Variants in MXRA8 observed in about 807,000 individuals in gnomAD.
The protein encoded by MXRA8 is matrix remodeling associated 8.
MXRA8 carries 44 observed loss-of-function variants against 51.4 expected under a neutral mutation model. The observed-to-expected ratio is 0.86, with a 90% CI of 0.67 to 1.10. MXRA8 has a LOEUF of 1.10. Among genes scored for constraint, MXRA8 ranks in the 50% least tolerant of loss-of-function variants. The pLI is 0.00. For synonymous variants in MXRA8, 369 were observed against 293.5 expected (o/e 1.26, Z -2.63); for missense variants, 765 against 638.9 (o/e 1.20, Z -2.13).
At chr1:1,362,051 C>T (rs1644229158), upstream of MXRA8, among the ~76,000 whole-genome samples, 1 of 152,194 alleles carries the variant, frequency 6.6e-6, no homozygotes. Context: ...GCGACTGTTC[C>T]CGGCCATGTC....
chr1:1,353,087 C>T lies in MXRA8; in HGVS notation c.*517G>A, dbSNP rs1644035409. 1.6e-6 allele frequency: 1 copy of T among 639,678 alleles called. No individual in the cohort carries two copies. Among genetic ancestry groups the T allele is most frequent in the African/African-American group, 1.8e-5 (1 of 54,252 alleles). The allele number at this position is 639,678 out of a possible 1,614,324, so 39.6% of individuals were successfully genotyped here. On this transcript the variant is annotated 3_prime_UTR_variant, in exon 10 of 10. Transcript: ENST00000309212. ...CCACATGGTGGTACAGGTGGGGGAG[C>T]TCTCGGTGGCAGGCAGCACCCCAGG...
chr1:1,358,823 C>T, upstream of MXRA8: 1 of 1,151,714 alleles, frequency 8.7e-7, no homozygotes, highest in East Asian at 5.1e-5. Flanking sequence ...GATCGTGTCT[C>T]ACGTCTAGGA....
chr1:1,353,208 A>G lies in MXRA8; in HGVS notation c.*396T>C. The G allele has an allele frequency of 7.8e-7, 1 of 1,275,498 alleles. No homozygotes were observed. Among genetic ancestry groups the G allele is most frequent in the Non-Finnish European group, 1.1e-6 (1 of 899,866 alleles). 79.0% of individuals were successfully genotyped at this position (1,275,498 alleles called of 1,614,324 possible). Reference sequence around the variant, plus strand: ...CAGGAACATCTCCCAGCCCCCGACGAGCAGAGCCCTGGAGGAGTGGGACTC... The same window carrying G: ...CAGGAACATCTCCCAGCCCCCGACGGGCAGAGCCCTGGAGGAGTGGGACTC... On this transcript the variant is annotated 3_prime_UTR_variant, in exon 10 of 10. Coordinates refer to ENST00000309212, the MANE Select transcript of MXRA8 (RefSeq NM_032348.4).
chr1:1,353,714 C>T (rs766189200), intron 9 of MXRA8, 85 bp from the exon 10 acceptor site: 115 of 1,487,982 alleles, frequency 7.7e-5, no homozygotes, highest in Non-Finnish European at 1.0e-4. Flanking sequence ...CCCCGCAGGA[C>T]TCCCCAGGGA....
chr1:1,357,071 C>T (rs1428364769), intron 1 of MXRA8, among the ~76,000 whole-genome samples: 5 of 152,068 alleles, frequency 3.3e-5, no homozygotes, highest in African/African-American at 9.7e-5. Context: ...CAGGGCTGTG[C>T]CCCAGCCCCC....
chr1:1,356,702 A>G lies in MXRA8; in HGVS notation c.52T>C (p.Ser18Pro). 1 of 1,430,234 alleles carries G rather than the reference A, an allele frequency of 7.0e-7. No homozygotes were observed. The allele number at this position is 1,430,234 out of a possible 1,614,324, so 88.6% of individuals were successfully genotyped here. ...LLWKLVLLQSSAVLLHSGSSV... is the reference protein window; with the variant it reads ...LLWKLVLLQSPAVLLHSGSSV... ...TAACCTGAGTGCAGGAGAACAGCAG[A>G]GCCTGGAAGGAGAGGAGTGAGCTGG... is the stretch of plus-strand genomic sequence containing the variant. Residue 18 changes from serine to proline, a missense_variant and splice_region_variant, in exon 2 of 10, where the codon TCT becomes CCT. Ser to Pro is a moderately conservative substitution (Grantham distance 74, BLOSUM62 -1). Coordinates refer to ENST00000309212, the MANE Select transcript of MXRA8 (RefSeq NM_032348.4).
intron 3 of MXRA8, 40 bp from the exon 4 acceptor site, chr1:1,355,385 GC>G: frequency 1.9e-6 from 3 of 1,540,804 alleles, no homozygotes; most frequent in African/African-American, 1.4e-5. Flanking sequence ...GCCTTGCGGT[GC>G]CCCCGACCCC....
chr1:1,356,768 C>T (rs1294539206), intron 1 of MXRA8, 64 bp from the exon 2 acceptor site: 17 of 1,310,746 alleles, frequency 1.3e-5, no homozygotes, highest in Non-Finnish European at 1.5e-5. Flanking sequence ...AGACCCCCCA[C>T]TTGGCCCCCA....
At chr1:1,360,507 T>TGGGGGGGGGGGGGGGGGGGGGC (rs75605518), upstream of MXRA8, among the ~76,000 whole-genome samples, 1 of 147,740 alleles carries the variant, frequency 6.8e-6, no homozygotes, top group Non-Finnish European at 1.5e-5. Context: ...CGCTGGGGGG[T>TGGGGGGGGGGGGGGGGGGGGGC]GGTCTGCAGA....
At position 1,353,891 on chromosome 1, in the gene MXRA8, C is replaced by G; in HGVS notation, c.1260G>C (p.Leu420=). ...ACTTGGCAGGCAGGGGGCTGTGGGC[C>G]AGCTCCGCCCTCTCCTTCAGGATGT... ...KNNILKERAE[L]AHSPLPAKYI... is the part of the protein sequence containing the mutation. The change falls in exon 9 of 10, where the codon CTG becomes CTC. Residue 420 remains leucine, a synonymous_variant. Coordinates refer to ENST00000309212, the MANE Select transcript of MXRA8 (RefSeq NM_032348.4). 6.2e-7 allele frequency: 1 copy of G among 1,608,438 alleles called. No homozygotes were observed. Among genetic ancestry groups the G allele is most frequent in the Non-Finnish European group, 8.5e-7 (1 of 1,177,648 alleles).
Position 1,355,358 on chromosome 1 carries a change from G to A in MXRA8, c.377-13C>T, listed in dbSNP as rs1022626366. The A allele has an allele frequency of 5.1e-6, 8 of 1,569,616 alleles. No individual in the cohort carries two copies. Among genetic ancestry groups the A allele is most frequent in the Non-Finnish European group, 5.2e-6 (6 of 1,162,486 alleles). On this transcript the variant is annotated splice_polypyrimidine_tract_variant and intron_variant, in intron 3 of 9. Transcript: ENST00000309212. ...GTCTCCTCCACCGCTGCGCACCCAG[G>A]AGGAAGCCGCGCGTGAGCCTTGCGG...
In MXRA8 at chr1:1,354,716, GC is replaced by G; in HGVS notation, c.914del (p.Gly305AlafsTer103). ...GGGCGCCGCTGTGGCTGGAGCCGTT[GC>G]CCGGAGAGCCCCGGGGGGGCGGCTC... The part of the protein sequence containing the change: ...HAEPPPRGSP[G>X]NGSSHSGAPG... On this transcript the variant is annotated frameshift_variant, in exon 5 of 10. Coordinates refer to ENST00000309212, the MANE Select transcript of MXRA8 (RefSeq NM_032348.4). LOFTEE classifies it high-confidence loss of function. 1 of 1,600,342 alleles carries G rather than the reference GC, an allele frequency of 6.2e-7. No individual in the cohort carries two copies. Among genetic ancestry groups the G allele is most frequent in the Non-Finnish European group, 8.5e-7 (1 of 1,174,670 alleles).
Position 1,355,607 on chromosome 1 carries a change from G to A in MXRA8, c.219C>T (p.Leu73=), listed in dbSNP as rs1159397789. 6 of 1,470,344 alleles carry A rather than the reference G, an allele frequency of 4.1e-6. No homozygotes were observed. The Admixed American group carries it at 7.2e-5, about 18-fold the overall frequency. The allele number at this position is 1,470,344 out of a possible 1,614,324, so 91.1% of individuals were successfully genotyped here. ...QDRLHDRQRV[L]HWDLRGPGGG... is the part of the protein sequence containing the mutation. ...CCCCGGGGCCGCGCAGGTCCCAGTG[G>A]AGCACGCGCTGGCGGTCGTGCAGCC... Residue 73 remains leucine (L), a synonymous_variant, in exon 3 of 10, where the codon CTC becomes CTT. Coordinates refer to ENST00000309212, the MANE Select transcript of MXRA8 (RefSeq NM_032348.4).
At chr1:1,359,575 C>T, upstream of MXRA8, 2 of 985,338 alleles carry the variant, frequency 2.0e-6, no homozygotes, top group South Asian at 9.4e-5. Context: ...ACCCCTGAAC[C>T]CTGCTCTGGT....
chr1:1,355,503 A>C lies in MXRA8; in HGVS notation c.323T>G (p.Leu108Arg), dbSNP rs1213797442. The change falls in exon 3 of 10, where the codon CTG becomes CGG. Residue 108 changes from leucine to arginine, a missense_variant. Leu to Arg is a moderately radical substitution (Grantham distance 102, BLOSUM62 -2). Coordinates refer to ENST00000309212, the MANE Select transcript of MXRA8 (RefSeq NM_032348.4). ...RVYEARDRGR[L>R]ELSASAFDDG... ...GTCGAAGGCCGAGGCCGAGAGCTCC[A>C]GGCGGCCGCGGTCCCGCGCCTCGTA... 1 of 1,509,556 alleles carries C rather than the reference A, an allele frequency of 6.6e-7. No homozygotes were observed. The highest frequency in any genetic ancestry group is 8.8e-7 in the Non-Finnish European group (1 of 1,140,492). 93.5% of individuals were successfully genotyped at this position (1,509,556 alleles called of 1,614,324 possible). A position where few individuals can be genotyped will look rare whatever the true frequency, so the allele number is the denominator to read the frequency against.
upstream of MXRA8, among the ~76,000 whole-genome samples, chr1:1,359,841 A>G (rs1402545432): frequency 6.6e-6 from 1 of 151,966 alleles, no homozygotes; most frequent in Non-Finnish European, 1.5e-5. Context: ...TGGGCCTTTC[A>G]TTCTGGAAAA....
chr1:1,354,728 C>G lies in MXRA8; in HGVS notation c.903G>C (p.Arg301=). ...GGCTGGAGCCGTTGCCCGGAGAGCC[C>G]CGGGGGGGCGGCTCCGCGTGGGGTT... ...VAEPHAEPPP[R]GSPGNGSSHS... Residue 301 remains arginine (R), a synonymous_variant, in exon 5 of 10, where the codon CGG becomes CGC. Transcript: ENST00000309212. The G allele has an allele frequency of 1.2e-6, 2 of 1,606,806 alleles. No individual in the cohort carries two copies. The highest frequency in any genetic ancestry group is 1.7e-6 in the Non-Finnish European group (2 of 1,177,472).
upstream of MXRA8, chr1:1,359,443 C>T (rs910779696): frequency 1.2e-5 from 12 of 985,346 alleles, no homozygotes; most frequent in Non-Finnish European, 7.2e-6. Context: ...ATCAAGCAAA[C>T]CTCAAGAAAA....
chr1:1,353,798 T>C, intron 9 of MXRA8, 50 bp downstream of exon 9: 2 of 1,521,832 alleles, frequency 1.3e-6, no homozygotes, highest in East Asian at 2.3e-5. Context: ...TGAGGTGGAA[T>C]GGGGACAGGC....
Sources: allele counts gnomAD v4.1 joint callset (sites outside exome capture counted in the v4.1 genomes callset), GRCh38; gene constraint gnomAD v4.1.1; transcripts MANE v1.5; gene names NCBI Gene and HGNC (gene_info 2026-07-23, HGNC 2026-07-21).